Variants in DNAJC5B observed in about 807,000 individuals in gnomAD.
The protein encoded by DNAJC5B is dnaJ homolog subfamily C member 5B.
In DNAJC5B, 23 loss-of-function variants were observed where a neutral mutation model predicts 24.7. The ratio of observed to expected loss-of-function variants is 0.93; its 90% CI spans 0.67 to 1.32. DNAJC5B has a LOEUF of 1.32. Ranked by LOEUF, DNAJC5B falls within the 40% of genes most tolerant of loss-of-function variation. The pLI is 0.00. For missense variants in DNAJC5B, 238 were observed against 240.8 expected, an observed-to-expected ratio of 0.99 and a Z score of 0.08; for synonymous variants, 101 against 90.1, an observed-to-expected ratio of 1.12 and a Z score of -0.68.
chr8:66,051,264 A>T (rs894652295), intron 2 of DNAJC5B, among the ~76,000 whole-genome samples: 2 of 152,204 alleles, frequency 1.3e-5, no homozygotes, highest in Admixed American at 6.5e-5. Flanking sequence ...ACAATTCTGA[A>T]TTCACTGGGT....
intron 3 of DNAJC5B, among the ~76,000 whole-genome samples, chr8:66,053,910 T>C (rs1011034173): frequency 6.6e-6 from 1 of 151,142 alleles, no homozygotes; most frequent in African/African-American, 2.4e-5. Flanking sequence ...ATTACAGGCG[T>C]GAGCCACCGT....
chr8:66,100,001 A>G lies in DNAJC5B; in HGVS notation c.570A>G (p.Glu190=). 1 of 1,614,042 alleles carries G rather than the reference A, an allele frequency of 6.2e-7. No individual in the cohort carries two copies. Among genetic ancestry groups the G allele is most frequent in the African/African-American group, 1.3e-5 (1 of 75,046 alleles). ...NANEKTQLIK[E]GSRSYCTDS The stretch of plus-strand genomic sequence containing the variant: ...ATGAGAAAACACAGCTAATCAAAGA[A>G]GGATCTCGAAGTTATTGCACAGACT... Residue 190 remains glutamate, a synonymous_variant, in exon 6 of 6, where the codon GAA becomes GAG. Transcript: ENST00000276570.
At chr8:66,031,524 A>G (rs944539958) in intron 1 of DNAJC5B, among the ~76,000 whole-genome samples, 1 of 152,212 alleles carries the variant, frequency 6.6e-6, no homozygotes, top group Non-Finnish European at 1.5e-5. Flanking sequence ...AGAGATGGAT[A>G]TATGTGTGTA....
At chr8:66,051,063 T>C (rs1160067361) in intron 2 of DNAJC5B, among the ~76,000 whole-genome samples, 1 of 152,246 alleles carries the variant, frequency 6.6e-6, no homozygotes, top group African/African-American at 2.4e-5. Flanking sequence ...TTTCTTGAAC[T>C]TATTCCTCCT....
In DNAJC5B at chr8:66,101,205, A is replaced by T. The variant is rs1379634732; in HGVS notation, c.*1174A>T. Among the ~76,000 whole-genome samples the T allele has an allele frequency of 6.6e-6, 1 of 152,214 alleles. No individual in the cohort carries two copies. Among genetic ancestry groups the T allele is most frequent in the Non-Finnish European group, 1.5e-5 (1 of 68,028 alleles). On this transcript the variant is annotated 3_prime_UTR_variant, in exon 6 of 6. Transcript: ENST00000276570. ...TATATTGTAAGTGAGAATTAGTGTT[A>T]TAGCTCTGATAGTTCTGAGGTCATT...
At chr8:66,053,856 C>T (rs535065014) in intron 3 of DNAJC5B, among the ~76,000 whole-genome samples, 13 of 151,768 alleles carry the variant, frequency 8.6e-5, no homozygotes, top group African/African-American at 2.9e-4. Flanking sequence ...CTCTAACTCC[C>T]GACCTTAGGT....
At chr8:66,031,701 C>T (rs1376335259) in intron 1 of DNAJC5B, among the ~76,000 whole-genome samples, 2 of 152,102 alleles carry the variant, frequency 1.3e-5, no homozygotes, top group Non-Finnish European at 2.9e-5. Context: ...CAGCTCAAAG[C>T]AGTAAGGCAG....
intron 5 of DNAJC5B, among the ~76,000 whole-genome samples, chr8:66,094,043 G>A (rs971110382): frequency 9.2e-5 from 14 of 151,944 alleles, no homozygotes; most frequent in East Asian, 1.9e-4. Flanking sequence ...GTTCTAGTCC[G>A]TTGGTCTTTT....
intron 5 of DNAJC5B, among the ~76,000 whole-genome samples, chr8:66,095,998 T>G (rs1425946454): frequency 6.6e-6 from 1 of 152,224 alleles, no homozygotes; most frequent in Non-Finnish European, 1.5e-5. Flanking sequence ...TTGTTCCATA[T>G]ATGTCTATTG....
intron 3 of DNAJC5B, among the ~76,000 whole-genome samples, chr8:66,052,276 C>T (rs548040163): frequency 1.3e-5 from 2 of 151,988 alleles, no homozygotes; most frequent in Admixed American, 6.6e-5. Flanking sequence ...TCATTTAACC[C>T]ATCTGATATA....
upstream of DNAJC5B, among the ~76,000 whole-genome samples, chr8:66,019,950 A>G (rs1392105709): frequency 6.6e-6 from 1 of 152,238 alleles, no homozygotes; most frequent in African/African-American, 2.4e-5. Context: ...TCCATTAACC[A>G]TTTCCCTAAG....
intron 1 of DNAJC5B, among the ~76,000 whole-genome samples, chr8:66,032,060 A>ATTT (rs1806371740): frequency 6.6e-6 from 1 of 152,272 alleles, no homozygotes; most frequent in Non-Finnish European, 1.5e-5. Context: ...AAATGTTTGC[A>ATTT]CATTTTAGAG....
intron 5 of DNAJC5B, among the ~76,000 whole-genome samples, chr8:66,092,969 TC>T (rs1807878063): frequency 6.6e-6 from 1 of 152,132 alleles, no homozygotes; most frequent in South Asian, 2.1e-4. Context: ...TGTCTGCTTC[TC>T]CCCTTCCCAC....
chr8:66,061,454 G>C (rs1405265216), intron 3 of DNAJC5B, among the ~76,000 whole-genome samples: 1 of 152,118 alleles, frequency 6.6e-6, no homozygotes, highest in African/African-American at 2.4e-5. Flanking sequence ...TTGGCACATG[G>C]GTACTGGGTG....
At chr8:66,017,248 T>A (rs571455699), upstream of DNAJC5B, among the ~76,000 whole-genome samples, 1 of 152,362 alleles carries the variant, frequency 6.6e-6, no homozygotes, top group South Asian at 2.1e-4. Context: ...TTTAGAGCAT[T>A]CAACTCAAAC....
At chr8:66,016,138 G>A in the DNAJC5B span, among the ~76,000 whole-genome samples, 1 of 152,186 alleles carries the variant, frequency 6.6e-6, no homozygotes, top group Admixed American at 6.5e-5. Flanking sequence ...AGGGTCAAAC[G>A]CTGTGTCCTC....
At chr8:66,071,352 A>G (rs893350948) in intron 3 of DNAJC5B, among the ~76,000 whole-genome samples, 3 of 152,204 alleles carry the variant, frequency 2.0e-5, no homozygotes, top group African/African-American at 7.2e-5. Flanking sequence ...ACAAATTTAC[A>G]AGAAAAAAAC....
At chr8:66,045,439 T>C (rs1806702567) in intron 2 of DNAJC5B, among the ~76,000 whole-genome samples, 1 of 152,242 alleles carries the variant, frequency 6.6e-6, no homozygotes, top group South Asian at 2.1e-4. Flanking sequence ...GGGAATAGAT[T>C]ATAATGTGAT....
At position 66,054,147 on chromosome 8, in the gene DNAJC5B, G is replaced by T. The variant is rs574787833; in HGVS notation, c.119+2481G>T. On this transcript the variant is annotated intron_variant, in intron 3 of 5. Transcript: ENST00000276570. ...TTTTCAATTACTTATTTTCTTATGC[G>T]GTATAAAGCTATGCCTTTACAGGAA... Among the ~76,000 whole-genome samples, 21 of 151,110 alleles carry T rather than the reference G, an allele frequency of 1.4e-4. No homozygotes were observed. The South Asian group carries it at 3.8e-3, about 27-fold the overall frequency.
Sources: gnomAD v4.1 joint callset for allele counts (sites outside exome capture counted in the v4.1 genomes callset) on GRCh38, gnomAD v4.1.1 for gene constraint, MANE v1.5 for transcripts, NCBI Gene and HGNC (gene_info 2026-07-23, HGNC 2026-07-21) for gene names.